EPM2A: variants seen among roughly 807,000 people sequenced by gnomAD.
The protein encoded by EPM2A is EPM2A glucan phosphatase, laforin, also known as laforin.
A neutral mutation model predicts 26.5 loss-of-function variants in EPM2A; 21 were observed. The ratio of observed to expected loss-of-function variants is 0.79; its 90% CI spans 0.56 to 1.14. The LOEUF (loss-of-function observed/expected upper bound fraction) is 1.14. EPM2A is among the 50% of genes most tolerant of loss of function. EPM2A has a pLI of 0.00. For missense variants in EPM2A, 458 were observed against 440.8 expected (o/e 1.04, Z -0.35); for synonymous variants, 217 against 177.6 (o/e 1.22, Z -1.76).
At chr6:145,428,884 GC>G (rs1013869221) in intron 4 of EPM2A, among the ~76,000 whole-genome samples, 2 of 152,172 alleles carry the variant, frequency 1.3e-5, no homozygotes, top group Admixed American at 6.5e-5. Context: ...AACCCAGAGA[GC>G]TACCCAGCTG....
chr6:145,729,664 T>C (rs192274455), intron 1 of EPM2A, among the ~76,000 whole-genome samples: 9 of 152,320 alleles, frequency 5.9e-5, no homozygotes, highest in Admixed American at 2.6e-4. Flanking sequence ...TGGTTTTGAT[T>C]TTACAGGCTC....
chr6:145,694,484 G>A (rs1279299544), intron 1 of EPM2A, among the ~76,000 whole-genome samples: 2 of 152,112 alleles, frequency 1.3e-5, no homozygotes, highest in East Asian at 3.9e-4. Flanking sequence ...AAATGCAAAC[G>A]TAGAAAATAG....
intron 4 of EPM2A, among the ~76,000 whole-genome samples, chr6:145,494,230 G>A (rs1357283086): frequency 6.6e-6 from 1 of 152,118 alleles, no homozygotes; most frequent in Admixed American, 6.5e-5. Flanking sequence ...ATGTGTCCAG[G>A]AATTTATCCA....
At chr6:145,398,119 G>A (rs569821448) in intron 4 of EPM2A, among the ~76,000 whole-genome samples, 1 of 140,350 alleles carries the variant, frequency 7.1e-6, no homozygotes, top group Non-Finnish European at 1.5e-5. Flanking sequence ...TAGACATTTT[G>A]CACCATGTTG....
chr6:145,714,092 A>G (rs1775484139), intron 1 of EPM2A, among the ~76,000 whole-genome samples: 1 of 152,224 alleles, frequency 6.6e-6, no homozygotes, highest in South Asian at 2.1e-4. Flanking sequence ...AGGAATAAAG[A>G]TTGACTGGTA....
chr6:145,515,466 T>A (rs1003883855), intron 2 of EPM2A, among the ~76,000 whole-genome samples: 1 of 152,184 alleles, frequency 6.6e-6, no homozygotes, highest in African/African-American at 2.4e-5. Flanking sequence ...TTCCAGAAAC[T>A]GAGAAGTCCA....
At chr6:145,481,563 A>C (rs1332253064) in intron 4 of EPM2A, among the ~76,000 whole-genome samples, 2 of 152,062 alleles carry the variant, frequency 1.3e-5, no homozygotes, top group Non-Finnish European at 2.9e-5. Flanking sequence ...CACCTTGATA[A>C]TGGATCATCT....
downstream of EPM2A, among the ~76,000 whole-genome samples, chr6:145,498,196 TC>T (rs767808833): frequency 6.6e-5 from 10 of 152,128 alleles, no homozygotes; most frequent in Non-Finnish European, 1.3e-4. Context: ...GGCCCACCCC[TC>T]CCGTCAGGAA....
At chr6:145,678,264 G>A (rs1192174965) in intron 2 of EPM2A, among the ~76,000 whole-genome samples, 1 of 150,716 alleles carries the variant, frequency 6.6e-6, no homozygotes, top group Non-Finnish European at 1.5e-5. Flanking sequence ...CTTACACATT[G>A]ACTTAAATGT....
chr6:145,729,947 C>T (rs1423409764), intron 1 of EPM2A, among the ~76,000 whole-genome samples: 1 of 152,082 alleles, frequency 6.6e-6, no homozygotes, highest in African/African-American at 2.4e-5. Context: ...GGACTTCCCC[C>T]TTGCTATTCT....
At chr6:145,484,448 C>G (rs191523576) in intron 4 of EPM2A, among the ~76,000 whole-genome samples, 4 of 151,984 alleles carry the variant, frequency 2.6e-5, no homozygotes, top group African/African-American at 9.7e-5. Flanking sequence ...ATGTTCACCA[C>G]CCCCAAAAAG....
At chr6:145,479,800 A>C (rs1450269210) in intron 4 of EPM2A, among the ~76,000 whole-genome samples, 2 of 152,044 alleles carry the variant, frequency 1.3e-5, no homozygotes, top group African/African-American at 4.8e-5. Context: ...GTCATATGAC[A>C]ATCCCATGTT....
chr6:145,663,560 G>T (rs555299357), intron 2 of EPM2A, among the ~76,000 whole-genome samples: 6 of 152,058 alleles, frequency 3.9e-5, no homozygotes, highest in Non-Finnish European at 7.4e-5. Flanking sequence ...AAAGTGATGC[G>T]GAGAATAGAA....
At chr6:145,412,214 C>CA (rs11404849) in intron 4 of EPM2A, among the ~76,000 whole-genome samples, 49,389 of 113,822 alleles carry the variant, frequency 0.43, 10,034 homozygotes, top group East Asian at 0.67. Flanking sequence ...GACTCTGTCT[C>CA]AAAAAAAAAA....
intron 1 of EPM2A, among the ~76,000 whole-genome samples, chr6:145,688,575 T>C (rs1261922960): frequency 6.6e-6 from 1 of 152,124 alleles, no homozygotes; most frequent in African/African-American, 2.4e-5. Context: ...AGTTACTCAT[T>C]TGACATTAAG....
chr6:145,434,088 G>A (rs905010466), intron 4 of EPM2A, among the ~76,000 whole-genome samples: 1 of 151,660 alleles, frequency 6.6e-6, no homozygotes, highest in African/African-American at 2.4e-5. Context: ...TTGAATTCTA[G>A]ATTGACAGTT....
downstream of EPM2A, among the ~76,000 whole-genome samples, chr6:145,499,715 C>G (rs1276326761): frequency 6.6e-6 from 1 of 152,206 alleles, no homozygotes; most frequent in East Asian, 1.9e-4. Flanking sequence ...CACTCATACT[C>G]TACCAATTTT....
intron 1 of EPM2A, among the ~76,000 whole-genome samples, chr6:145,695,639 G>A (rs1781529552): frequency 6.6e-6 from 1 of 152,060 alleles, no homozygotes; most frequent in South Asian, 2.1e-4. Context: ...AGAGAGCAGA[G>A]GTAGCTATAT....
chr6:145,548,405 G>A (rs1022753027), intron 2 of EPM2A, among the ~76,000 whole-genome samples: 4 of 152,044 alleles, frequency 2.6e-5, no homozygotes, highest in African/African-American at 9.7e-5. Context: ...TTCCTGCCTA[G>A]ATGACTTTGC....
Sources: gnomAD v4.1 joint callset for allele counts (sites outside exome capture counted in the v4.1 genomes callset) on GRCh38, gnomAD v4.1.1 for gene constraint, MANE v1.5 for transcripts, NCBI Gene and HGNC (gene_info 2026-07-23, HGNC 2026-07-21) for gene names.